The following C12orf56 variants were observed in gnomAD, a reference collection of about 807,000 sequenced individuals.
C12orf56 encodes chromosome 12 open reading frame 56.
Under a neutral mutation model 69.9 loss-of-function variants are expected in C12orf56, and 71 were observed. That is an observed-to-expected ratio of 1.02 (90% CI 0.84 to 1.24). The LOEUF (loss-of-function observed/expected upper bound fraction) is 1.24, where lower values mean the gene tolerates loss of function less well. Among genes scored for constraint, C12orf56 ranks in the 50% most tolerant of loss-of-function variants. C12orf56 has a pLI of 0.00. For missense variants in C12orf56, 732 were observed against 738.5 expected, an observed-to-expected ratio of 0.99 and a Z score of 0.10; for synonymous variants, 276 against 274.1, an observed-to-expected ratio of 1.01 and a Z score of -0.07.
intron 6 of C12orf56, among the ~76,000 whole-genome samples, chr12:64,293,779 T>C (rs1475551366): frequency 6.6e-6 from 1 of 152,154 alleles, no homozygotes; most frequent in African/African-American, 2.4e-5. Context: ...TAGTGCAGAA[T>C]TCCATGTAAG....
intron 1 of C12orf56, among the ~76,000 whole-genome samples, chr12:64,367,348 A>G (rs1482727817): frequency 7.0e-6 from 1 of 142,734 alleles, no homozygotes; most frequent in Admixed American, 7.4e-5. Context: ...TATATATTAT[A>G]TTATATTATA....
intron 2 of C12orf56, among the ~76,000 whole-genome samples, chr12:64,333,501 AT>A (rs1365495060): frequency 3.3e-5 from 5 of 149,996 alleles, no homozygotes; most frequent in African/African-American, 1.2e-4. Flanking sequence ...ATTTATTTTT[AT>A]TTATTTTTTT....
At chr12:64,328,546 G>C (rs1011120259) in intron 3 of C12orf56, among the ~76,000 whole-genome samples, 3 of 151,430 alleles carry the variant, frequency 2.0e-5, no homozygotes, top group African/African-American at 7.3e-5. Flanking sequence ...TGGACATGGT[G>C]GCGGGCGCCT....
chr12:64,381,989 C>G (rs957981962), intron 1 of C12orf56, among the ~76,000 whole-genome samples: 7 of 152,066 alleles, frequency 4.6e-5, no homozygotes, highest in African/African-American at 1.4e-4. Flanking sequence ...CAGCAGGGCG[C>G]GGTGGCTCAC....
intron 1 of C12orf56, among the ~76,000 whole-genome samples, chr12:64,387,547 G>T (rs1042193417): frequency 1.3e-5 from 2 of 152,326 alleles, no homozygotes; most frequent in Admixed American, 1.3e-4. Context: ...GCCAGGCACA[G>T]TGGCTCATGC....
intron 1 of C12orf56, among the ~76,000 whole-genome samples, chr12:64,371,050 T>C (rs934567544): frequency 6.6e-6 from 1 of 151,976 alleles, no homozygotes. Flanking sequence ...CCCACACATA[T>C]ATGGTCAACT....
chr12:64,276,836 A>G (rs1269995592), intron 9 of C12orf56, among the ~76,000 whole-genome samples: 1 of 151,356 alleles, frequency 6.6e-6, no homozygotes, highest in Non-Finnish European at 1.5e-5. Context: ...TCTACAAAAA[A>G]TACAAAAATT....
chr12:64,351,516 G>GA (rs2039221662), intron 2 of C12orf56, among the ~76,000 whole-genome samples: 1 of 152,190 alleles, frequency 6.6e-6, no homozygotes, highest in South Asian at 2.1e-4. Flanking sequence ...AGGTCATGCT[G>GA]ATATCCATGG....
chr12:64,329,971 A>G lies in C12orf56; in HGVS notation c.488+989T>C, dbSNP rs375415395. 2.6e-5 allele frequency among the ~76,000 whole-genome samples: 4 copies of G among 151,986 alleles called. No homozygotes were observed. The East Asian group carries it at 5.8e-4, about 22-fold the overall frequency. ...TTCCAAGTCTTTGCTATCGTGAATAATGCTGCAATAAACATACGTGTGCAT... is the reference window on the plus strand; with the variant it reads ...TTCCAAGTCTTTGCTATCGTGAATAGTGCTGCAATAAACATACGTGTGCAT... On this transcript the variant is annotated intron_variant, in intron 3 of 12. Coordinates refer to ENST00000543942, the MANE Select transcript of C12orf56 (RefSeq NM_001170633.2).
At chr12:64,350,093 G>T in intron 2 of C12orf56, among the ~76,000 whole-genome samples, 2 of 119,538 alleles carry the variant, frequency 1.7e-5, no homozygotes, top group South Asian at 2.5e-4. Context: ...CTCAGTCTCA[G>T]AAAAAAAAAA....
intron 4 of C12orf56, 39 bp downstream of exon 4, chr12:64,318,536 T>G (rs950196719): frequency 4.4e-5 from 64 of 1,442,448 alleles, no homozygotes; most frequent in Middle Eastern, 1.9e-4. Flanking sequence ...AATAAAAATA[T>G]AAAAATTCAG....
intron 12 of C12orf56, 109 bp downstream of exon 12, chr12:64,270,427 T>C (rs760274980): frequency 1.0e-6 from 1 of 997,278 alleles, no homozygotes. Flanking sequence ...CAAAAAAGAA[T>C]TCCTGATAAA....
intron 1 of C12orf56, among the ~76,000 whole-genome samples, chr12:64,362,047 T>C (rs1231345020): frequency 6.6e-6 from 1 of 152,126 alleles, no homozygotes; most frequent in Non-Finnish European, 1.5e-5. Context: ...TTTACTTTCT[T>C]AATAAATTTG....
chr12:64,275,249 A>C, intron 10 of C12orf56, 49 bp downstream of exon 10: 1 of 888,358 alleles, frequency 1.1e-6, no homozygotes, highest in Non-Finnish European at 1.7e-6. Context: ...TAGTCATGTA[A>C]TTTATAGTTA....
At chr12:64,386,386 A>T (rs1253647464) in intron 1 of C12orf56, among the ~76,000 whole-genome samples, 2 of 75,998 alleles carry the variant, frequency 2.6e-5, no homozygotes, top group African/African-American at 1.2e-4. Context: ...GCTAATTTTT[A>T]TATATATATA....
chr12:64,299,024 G>C (rs2038407941), intron 6 of C12orf56, among the ~76,000 whole-genome samples: 1 of 152,192 alleles, frequency 6.6e-6, no homozygotes, highest in African/African-American at 2.4e-5. Flanking sequence ...AGCATGAAAT[G>C]TTTTTCCATT....
intron 8 of C12orf56, among the ~76,000 whole-genome samples, chr12:64,281,498 G>A (rs973887835): frequency 6.6e-6 from 1 of 152,070 alleles, no homozygotes; most frequent in Non-Finnish European, 1.5e-5. Flanking sequence ...CTTGAACCAT[G>A]GAGGTAGAGG....
At chr12:64,383,934 T>C (rs984628223) in intron 1 of C12orf56, among the ~76,000 whole-genome samples, 3 of 152,164 alleles carry the variant, frequency 2.0e-5, no homozygotes, top group Admixed American at 6.6e-5. Flanking sequence ...GTAATAGACA[T>C]AGGTTCACAA....
At chr12:64,356,897 T>C (rs956190258) in intron 1 of C12orf56, among the ~76,000 whole-genome samples, 29 of 152,206 alleles carry the variant, frequency 1.9e-4, no homozygotes, top group Admixed American at 9.2e-4. Context: ...TATTATTTAA[T>C]GTTTTATTGT....
Sources: allele counts gnomAD v4.1 joint callset (sites outside exome capture counted in the v4.1 genomes callset), GRCh38; gene constraint gnomAD v4.1.1; transcripts MANE v1.5; gene names NCBI Gene and HGNC (gene_info 2026-07-23, HGNC 2026-07-21).